The following PTDSS1 variants were observed in gnomAD, a reference collection of about 807,000 sequenced individuals.
The protein encoded by PTDSS1 is PSS-1.
PTDSS1 carries 45 observed loss-of-function variants against 70.5 expected under a neutral mutation model. The observed-to-expected ratio is 0.64, with a 90% confidence interval of 0.50 to 0.82. PTDSS1 has a LOEUF of 0.82. Ranked by LOEUF, PTDSS1 falls within the 40% of genes least tolerant of loss-of-function variation. The pLI is 0.00. For missense variants in PTDSS1, 417 were observed against 586.1 expected (o/e 0.71, Z 2.98); for synonymous variants, 188 against 203.8 (o/e 0.92, Z 0.66).
At position 96,330,728 on chromosome 8, in the gene PTDSS1, G is replaced by A. The variant is rs142381688; in HGVS notation, c.1243-298G>A. On this transcript the variant is annotated intron_variant, in intron 11 of 12. Transcript: ENST00000517309. ...ATAGACATGAATGGCTTTAAGACAC[G>A]ATGGCCGTCTGGTAGACGGTAATAT... 1.2e-3 allele frequency: 505 copies of A among 415,992 alleles called. 2 individuals carry two copies. Among genetic ancestry groups the A allele is most frequent in the African/African-American group, 9.1e-3 (460 of 50,322 alleles). 25.8% of individuals were successfully genotyped at this position (415,992 alleles called of 1,614,324 possible). A position where few individuals can be genotyped will look rare whatever the true frequency, so the allele number is the denominator to read the frequency against.
At chr8:96,269,674 A>T (rs1166188611) in intron 1 of PTDSS1, among the ~76,000 whole-genome samples, 2 of 152,176 alleles carry the variant, frequency 1.3e-5, no homozygotes, top group African/African-American at 2.4e-5. Context: ...GGCCAATCAC[A>T]GGTGAATACC....
intron 10 of PTDSS1, among the ~76,000 whole-genome samples, chr8:96,326,872 A>T (rs990618781): frequency 3.9e-5 from 6 of 152,218 alleles, no homozygotes; most frequent in Non-Finnish European, 8.8e-5. Context: ...GGCATTGAAG[A>T]TGCAGAGGAA....
intron 1 of PTDSS1, among the ~76,000 whole-genome samples, 175 bp from the exon 2 acceptor site, chr8:96,273,124 A>C (rs916995326): frequency 6.6e-6 from 1 of 152,250 alleles, no homozygotes; most frequent in Non-Finnish European, 1.5e-5. Context: ...GTTTGGACAC[A>C]TAATGATCTA....
At position 96,334,069 on chromosome 8, in the gene PTDSS1, A is replaced by T. The variant is rs1171211817; in HGVS notation, c.*503A>T. 4.6e-5 allele frequency: 18 copies of T among 390,626 alleles called. No individual in the cohort carries two copies. Among genetic ancestry groups the T allele is most frequent in the Non-Finnish European group, 7.3e-5 (16 of 220,038 alleles). The allele number at this position is 390,626 out of a possible 1,614,324, so 24.2% of individuals were successfully genotyped here. On this transcript the variant is annotated 3_prime_UTR_variant, in exon 13 of 13. Transcript: ENST00000517309. ...TGTTGTTATTTGTTTTTAAGTTAGGATGCTTTTTAACAGCCTTTAGAAGCC... is the reference window on the plus strand; with the variant it reads ...TGTTGTTATTTGTTTTTAAGTTAGGTTGCTTTTTAACAGCCTTTAGAAGCC...
At chr8:96,305,587 A>G (rs1811110833) in intron 7 of PTDSS1, among the ~76,000 whole-genome samples, 1 of 152,030 alleles carries the variant, frequency 6.6e-6, no homozygotes, top group Non-Finnish European at 1.5e-5. Flanking sequence ...CTTCATACCT[A>G]CTTTTAAGGA....
intron 5 of PTDSS1, among the ~76,000 whole-genome samples, chr8:96,299,359 C>T (rs910859932): frequency 1.3e-5 from 2 of 152,142 alleles, no homozygotes; most frequent in African/African-American, 4.8e-5. Context: ...AAACTTTTCT[C>T]CTTTTCCCCT....
At chr8:96,272,394 G>A (rs115014881) in intron 1 of PTDSS1, among the ~76,000 whole-genome samples, 1,739 of 152,190 alleles carry the variant, frequency 0.011, 35 homozygotes, top group African/African-American at 0.04. Context: ...CTTTTCCCAT[G>A]CAACAGTTGT....
chr8:96,280,331 C>T (rs941491634), intron 2 of PTDSS1, among the ~76,000 whole-genome samples: 3 of 151,980 alleles, frequency 2.0e-5, no homozygotes, highest in African/African-American at 4.8e-5. Flanking sequence ...AGACCAGCCT[C>T]GCCAACATGG....
chr8:96,283,642 T>C (rs73698559), intron 2 of PTDSS1: 27,826 of 154,404 alleles, frequency 0.18, 4,651 homozygotes, highest in African/African-American at 0.45. Context: ...CACCCACACA[T>C]GTGCACACAC....
intron 9 of PTDSS1, among the ~76,000 whole-genome samples, chr8:96,316,760 C>T (rs1811294861): frequency 2.0e-5 from 3 of 152,026 alleles, no homozygotes; most frequent in Admixed American, 2.0e-4. Flanking sequence ...TTTGGGAGGC[C>T]AAGGTGGGCG....
In PTDSS1 at chr8:96,295,247, G is replaced by A. The variant is rs147128764; in HGVS notation, c.591G>A (p.Glu197=). The change falls in exon 5 of 13, where the codon GAG becomes GAA. Residue 197 remains glutamate (E), a synonymous_variant. Transcript: ENST00000517309. ...GCTGGACAATCAGTATTACCTGGGA[G>A]CTGACTGAGGTAAGAAGGAGGGCAT... The part of the protein sequence containing the change: ...GLCWTISITW[E]LTELFFMHLL... The A allele has an allele frequency of 4.3e-6, 7 of 1,613,320 alleles. No homozygotes were observed. The African/African-American group carries it at 9.3e-5, about 22-fold the overall frequency.
intron 7 of PTDSS1, among the ~76,000 whole-genome samples, chr8:96,305,130 G>A (rs917650468): frequency 2.0e-5 from 3 of 152,168 alleles, no homozygotes; most frequent in Admixed American, 2.0e-4. Flanking sequence ...CCAATGTCAC[G>A]GAAAGCAGAA....
intron 2 of PTDSS1, among the ~76,000 whole-genome samples, chr8:96,278,843 C>A (rs934466628): frequency 6.8e-6 from 1 of 146,778 alleles, no homozygotes; most frequent in African/African-American, 2.8e-5. Context: ...ACTTCAAGTG[C>A]CTGGCCCATT....
chr8:96,305,077 CAG>C (rs1280320650), intron 7 of PTDSS1, among the ~76,000 whole-genome samples: 2 of 152,172 alleles, frequency 1.3e-5, no homozygotes, highest in Non-Finnish European at 2.9e-5. Context: ...TCTTTAAAAA[CAG>C]GACTGTAGAT....
At chr8:96,265,724 C>A (rs1253112028) in intron 1 of PTDSS1, among the ~76,000 whole-genome samples, 1 of 152,222 alleles carries the variant, frequency 6.6e-6, no homozygotes, top group East Asian at 1.9e-4. Flanking sequence ...CACCATACTC[C>A]AGCCTCCACC....
intron 10 of PTDSS1, among the ~76,000 whole-genome samples, chr8:96,327,192 G>A (rs184524849): frequency 6.6e-6 from 1 of 152,280 alleles, no homozygotes; most frequent in East Asian, 1.9e-4. Context: ...TACTTGGGAG[G>A]AGCCCATGTG....
At chr8:96,330,344 G>A (rs1373136841) in intron 11 of PTDSS1, 63 bp downstream of exon 11, 17 of 1,493,182 alleles carry the variant, frequency 1.1e-5, no homozygotes, top group East Asian at 2.3e-5. Flanking sequence ...CGGCAAATTC[G>A]CTCAGAGCAC....
chr8:96,311,627 G>A (rs1811213139), intron 9 of PTDSS1, among the ~76,000 whole-genome samples: 1 of 152,172 alleles, frequency 6.6e-6, no homozygotes, highest in African/African-American at 2.4e-5. Flanking sequence ...GTTAGATTTA[G>A]GCAGGTTCCT....
chr8:96,275,917 A>G lies in PTDSS1; in HGVS notation c.271+2527A>G, dbSNP rs560231842. 5.3e-5 allele frequency among the ~76,000 whole-genome samples: 8 copies of G among 152,104 alleles called. No individual in the cohort carries two copies. In the East Asian group the frequency reaches 1.5e-3, roughly 29 times the overall value. ...TTCCTACTTTTCTCTTATTTCTCTT[A>G]TGTCCTCTGTCCTTTTTGTTCCCTT... On this transcript the variant is annotated intron_variant, in intron 2 of 12. Coordinates refer to ENST00000517309, the MANE Select transcript of PTDSS1 (RefSeq NM_014754.3).
Sources: allele counts gnomAD v4.1 joint callset (sites outside exome capture counted in the v4.1 genomes callset), GRCh38; gene constraint gnomAD v4.1.1; transcripts MANE v1.5; gene names NCBI Gene and HGNC (gene_info 2026-07-23, HGNC 2026-07-21).